The following ATP10B variants were observed in gnomAD, a reference collection of about 807,000 sequenced individuals.
ATP10B encodes the protein phospholipid-transporting ATPase VB.
A neutral mutation model predicts 141.2 loss-of-function variants in ATP10B; 122 were observed. The ratio of observed to expected loss-of-function variants is 0.86; its 90% CI spans 0.75 to 1.00. ATP10B has a LOEUF of 1.00. ATP10B is among the 50% of genes least tolerant of loss of function. The pLI is 0.00. For missense variants in ATP10B, 1,876 were observed against 1,825.3 expected (o/e 1.03, Z -0.51); for synonymous variants, 685 against 692.0 (o/e 0.99, Z 0.16).
Position 160,612,735 on chromosome 5 carries a change from C to T in ATP10B, c.2838+6G>A. ...CTGCAGATATCAATACAGAGAATCACCTCACCTGATTCTCTGTATTGATGG... is the reference window on the plus strand; with the variant it reads ...CTGCAGATATCAATACAGAGAATCATCTCACCTGATTCTCTGTATTGATGG... On this transcript the variant is annotated splice_donor_region_variant and intron_variant, in intron 18 of 25. Transcript: ENST00000327245. 2.5e-6 allele frequency: 4 copies of T among 1,606,654 alleles called. No homozygotes were observed. The highest frequency in any genetic ancestry group is 2.6e-6 in the Non-Finnish European group (3 of 1,173,918).
intron 22 of ATP10B, among the ~76,000 whole-genome samples, chr5:160,598,479 T>C (rs1756880315): frequency 6.6e-6 from 1 of 152,032 alleles, no homozygotes; most frequent in Middle Eastern, 3.4e-3. Context: ...ATGGCACATG[T>C]ATACATATGA....
intron 7 of ATP10B, among the ~76,000 whole-genome samples, chr5:160,653,888 AATATATGTAGTAT>A (rs1761238301): frequency 9.5e-6 from 1 of 104,746 alleles, no homozygotes; most frequent in Non-Finnish European, 1.8e-5. Context: ...TACATATATA[AATATATGTAGTAT>A]ATACGTATAT....
At chr5:160,833,187 A>G (rs1775208034) in intron 1 of ATP10B, among the ~76,000 whole-genome samples, 1 of 152,196 alleles carries the variant, frequency 6.6e-6, no homozygotes, top group Non-Finnish European at 1.5e-5. Context: ...TACTACCTCA[A>G]AAGTTTATGG....
At chr5:160,895,830 G>A in the ATP10B span, among the ~76,000 whole-genome samples, 2 of 152,114 alleles carry the variant, frequency 1.3e-5, no homozygotes, top group African/African-American at 4.8e-5. Flanking sequence ...CAAAAGAACG[G>A]AAATCATAAC....
intron 2 of ATP10B, among the ~76,000 whole-genome samples, chr5:160,728,736 T>G (rs13159151): frequency 0.46 from 70,234 of 151,980 alleles, 16,978 homozygotes; most frequent in Middle Eastern, 0.62. Context: ...TTGTCAGACC[T>G]TAGGGTGGTC....
At position 160,670,678 on chromosome 5, in the gene ATP10B, A is replaced by T; in HGVS notation, c.471-11T>A. ...TAGGTCTGCTCTTTTCTTGGGTGAG[A>T]GAAAGACAGGGTGTGAGTGAGCTTT... is the stretch of plus-strand genomic sequence containing the variant. On this transcript the variant is annotated splice_polypyrimidine_tract_variant and intron_variant, in intron 6 of 25. Coordinates refer to ENST00000327245, the MANE Select transcript of ATP10B (RefSeq NM_025153.3). 6.2e-7 allele frequency: 1 copy of T among 1,611,758 alleles called. No individual in the cohort carries two copies.
At chr5:160,790,330 C>A (rs886667161) in intron 1 of ATP10B, among the ~76,000 whole-genome samples, 2 of 152,100 alleles carry the variant, frequency 1.3e-5, no homozygotes, top group African/African-American at 4.8e-5. Flanking sequence ...AGTAATTTTT[C>A]AGTGTTGATT....
intron 7 of ATP10B, among the ~76,000 whole-genome samples, chr5:160,658,649 T>C (rs556684019): frequency 1.3e-5 from 2 of 152,220 alleles, no homozygotes; most frequent in Admixed American, 1.3e-4. Context: ...TTCCCCAGGA[T>C]GCTTTTCAAT....
Position 160,755,837 on chromosome 5 carries a change from AAATATATATATATATATATATAT to A in ATP10B, c.-331+29699_-331+29721del, listed in dbSNP as rs1366774373. ...CTCAAAAAAAAAAAAAAAAAAAAAA[AAATATATATATATATATATATAT>A]ATATATATATATATATATTATAATT... On this transcript the variant is annotated intron_variant, in intron 2 of 25. Transcript: ENST00000327245. Among the ~76,000 whole-genome samples the A allele has an allele frequency of 1.1e-3, 47 of 44,594 alleles. 1 individual carries two copies. Among genetic ancestry groups the A allele is most frequent in the African/African-American group, 4.1e-3 (34 of 8,370 alleles). 29.3% of individuals were successfully genotyped at this position (44,594 alleles called of 152,430 possible). A position where few individuals can be genotyped will look rare whatever the true frequency, so the allele number is the denominator to read the frequency against.
chr5:160,689,998 C>T (rs1169841230), intron 3 of ATP10B, among the ~76,000 whole-genome samples: 1 of 151,818 alleles, frequency 6.6e-6, no homozygotes, highest in Non-Finnish European at 1.5e-5. Context: ...GATACTGGTA[C>T]CAAAACAGAG....
intron 7 of ATP10B, among the ~76,000 whole-genome samples, chr5:160,658,743 C>T (rs1761680678): frequency 6.6e-6 from 1 of 152,136 alleles, no homozygotes; most frequent in Non-Finnish European, 1.5e-5. Flanking sequence ...TTTCATTCCA[C>T]ATGAAGGAAG....
intron 3 of ATP10B, among the ~76,000 whole-genome samples, chr5:160,690,660 C>A (rs941363141): frequency 6.6e-6 from 1 of 152,074 alleles, no homozygotes; most frequent in Non-Finnish European, 1.5e-5. Context: ...AATGAGATAC[C>A]ATCTCAAGCC....
At chr5:160,806,848 T>C (rs774682626) in intron 1 of ATP10B, among the ~76,000 whole-genome samples, 18 of 152,240 alleles carry the variant, frequency 1.2e-4, no homozygotes, top group Non-Finnish European at 2.1e-4. Flanking sequence ...TATGCCATCC[T>C]GCCTTCTAGA....
intron 15 of ATP10B, 138 bp from the exon 16 acceptor site, chr5:160,618,111 A>T: frequency 1.4e-6 from 1 of 700,762 alleles, no homozygotes; most frequent in Non-Finnish European, 2.5e-6. Context: ...TAGAAACCTG[A>T]AGGAGCTCTC....
chr5:160,721,683 A>C (rs1766008733), intron 2 of ATP10B, among the ~76,000 whole-genome samples: 2 of 152,204 alleles, frequency 1.3e-5, no homozygotes, highest in South Asian at 4.1e-4. Flanking sequence ...TCTTACAAAG[A>C]AAACATGAAG....
intron 1 of ATP10B, among the ~76,000 whole-genome samples, chr5:160,821,558 T>G (rs1774105465): frequency 6.6e-6 from 1 of 152,004 alleles, no homozygotes; most frequent in Non-Finnish European, 1.5e-5. Flanking sequence ...GAATCAAAGC[T>G]TTTCCAAACA....
chr5:160,817,148 G>A (rs980628712), intron 1 of ATP10B, among the ~76,000 whole-genome samples: 1 of 152,148 alleles, frequency 6.6e-6, no homozygotes, highest in African/African-American at 2.4e-5. Context: ...GGAAGTTCTG[G>A]CCAGGGCAAT....
chr5:160,799,891 G>A (rs1394909903), intron 1 of ATP10B, among the ~76,000 whole-genome samples: 2 of 152,182 alleles, frequency 1.3e-5, no homozygotes, highest in African/African-American at 4.8e-5. Flanking sequence ...AAGATGAAAA[G>A]TTTCCTGATT....
intron 17 of ATP10B, 41 bp from the exon 18 acceptor site, chr5:160,612,966 A>G (rs1466554206): frequency 2.2e-5 from 34 of 1,571,276 alleles, no homozygotes; most frequent in Non-Finnish European, 2.7e-5. Context: ...TTTATCGTAA[A>G]AGAGTAGTTG....
Sources: gnomAD v4.1 joint callset for allele counts (sites outside exome capture counted in the v4.1 genomes callset) on GRCh38, gnomAD v4.1.1 for gene constraint, MANE v1.5 for transcripts, NCBI Gene and HGNC (gene_info 2026-07-23, HGNC 2026-07-21) for gene names.